Variants in DAB2IP observed in about 807,000 individuals in gnomAD.
The protein encoded by DAB2IP is DAB2 interacting protein.
In DAB2IP, 28 loss-of-function variants were observed where a neutral mutation model predicts 107.2. The ratio of observed to expected loss-of-function variants is 0.26; its 90% confidence interval spans 0.19 to 0.36. DAB2IP has a LOEUF of 0.36. DAB2IP is among the 10% of genes least tolerant of loss of function. DAB2IP has a pLI of 1.00. For missense variants in DAB2IP, 1,400 were observed against 1,644.7 expected (o/e 0.85, Z 2.57); for synonymous variants, 755 against 706.4 (o/e 1.07, Z -1.09).
chr9:121,614,983 C>G (rs1420970755), intron 1 of DAB2IP, among the ~76,000 whole-genome samples: 1 of 152,102 alleles, frequency 6.6e-6, no homozygotes, highest in Non-Finnish European at 1.5e-5. Context: ...ATCCACGAGC[C>G]TCGGCCTCCC....
Position 121,704,873 on chromosome 9 carries a change from G to A in DAB2IP, c.362+5415G>A, listed in dbSNP as rs560331928. Among the ~76,000 whole-genome samples the A allele has an allele frequency of 7.1e-4, 108 of 152,328 alleles. 2 individuals carry two copies. The South Asian group carries it at 0.022, about 31-fold the overall frequency. ...AACTGAGGCACACAGTCAAAGGCAT[G>A]GAGCTGGGGCCTATGCAGAAGCCAG... On this transcript the variant is annotated intron_variant, in intron 3 of 15. Coordinates refer to ENST00000408936, the Ensembl canonical transcript of DAB2IP.
intron 8 of DAB2IP, among the ~76,000 whole-genome samples, chr9:121,765,652 A>G (rs1363107361): frequency 6.6e-6 from 1 of 152,202 alleles, no homozygotes; most frequent in African/African-American, 2.4e-5. Flanking sequence ...CCCTGAGCTC[A>G]TGGCAGAGCC....
intron 1 of DAB2IP, among the ~76,000 whole-genome samples, chr9:121,606,903 T>C (rs945483143): frequency 2.6e-5 from 4 of 151,874 alleles, no homozygotes; most frequent in African/African-American, 9.7e-5. Context: ...GCCTCCCGAG[T>C]AGTTGGGACT....
rs1474406223 is a variant in DAB2IP, at chr9:121,699,759, G to A, written c.362+301G>A. On this transcript the variant is annotated intron_variant, in intron 3 of 15. Coordinates refer to ENST00000408936, the Ensembl canonical transcript of DAB2IP. The surrounding 1 kb of genome is among the most constrained non-coding windows in gnomAD (Gnocchi z 6.2). ...GGGAAGTCCTGCCTCGCCTGTCCGAGGTGGGCATTGTTTCCCGGGCCGTGC... is the reference window on the plus strand; with the variant it reads ...GGGAAGTCCTGCCTCGCCTGTCCGAAGTGGGCATTGTTTCCCGGGCCGTGC... Among the ~76,000 whole-genome samples the A allele has an allele frequency of 6.6e-6, 1 of 152,220 alleles. No homozygotes were observed. Among genetic ancestry groups the A allele is most frequent in the African/African-American group, 2.4e-5 (1 of 41,472 alleles).
intron 9 of DAB2IP, 121 bp from the exon 10 acceptor site, chr9:121,768,311 G>A: frequency 9.7e-7 from 1 of 1,030,862 alleles, no homozygotes; most frequent in Non-Finnish European, 1.5e-6. Flanking sequence ...CTGACTTGGG[G>A]AGTGAATGGA....
At position 121,759,873 on chromosome 9, in the gene DAB2IP, G is replaced by C. The variant is rs764821242; in HGVS notation, c.616-12G>C. The C allele has an allele frequency of 6.2e-7, 1 of 1,607,172 alleles. No homozygotes were observed. The highest frequency in any genetic ancestry group is 1.7e-5 in the Admixed American group (1 of 59,682). ...CCCCAGCTGACCACCCTGGACCCCCGTGCACATACAGGACAACAGCCGGCG... is the reference window on the plus strand; with the variant it reads ...CCCCAGCTGACCACCCTGGACCCCCCTGCACATACAGGACAACAGCCGGCG... On this transcript the variant is annotated splice_polypyrimidine_tract_variant and intron_variant, in intron 5 of 15. Transcript: ENST00000408936.
At chr9:121,731,227 T>TTTGGCTCC (rs1294486942) in intron 3 of DAB2IP, among the ~76,000 whole-genome samples, 2 of 152,234 alleles carry the variant, frequency 1.3e-5, no homozygotes, top group East Asian at 3.8e-4. Flanking sequence ...TGTTCACCTG[T>TTTGGCTCC]TTGGCTCCTG....
chr9:121,732,213 C>A (rs936365806), intron 3 of DAB2IP, among the ~76,000 whole-genome samples: 3 of 152,114 alleles, frequency 2.0e-5, no homozygotes, highest in Admixed American at 2.0e-4. Context: ...ACTGTGACAA[C>A]CAAGAAAGAA....
rs758120340 is a variant in DAB2IP, at chr9:121,759,040, A to AG, written c.615+46dup. On this transcript the variant is annotated intron_variant, in intron 5 of 15. Coordinates refer to ENST00000408936, the Ensembl canonical transcript of DAB2IP. ...CACCAAAGCATGGGGGATTGAAGGT[A>AG]GGCTCAGATAGGAGGAAACAAGAGA... 1.5e-5 allele frequency: 24 copies of AG among 1,556,442 alleles called. No homozygotes were observed. In the African/African-American group the frequency reaches 2.8e-4, roughly 18 times the overall value.
chr9:121,645,566 C>T (rs1564130937), intron 1 of DAB2IP, among the ~76,000 whole-genome samples: 1 of 152,168 alleles, frequency 6.6e-6, no homozygotes, highest in Non-Finnish European at 1.5e-5. Flanking sequence ...GTCTCACTTC[C>T]CCATCTTCAG....
intron 1 of DAB2IP, among the ~76,000 whole-genome samples, chr9:121,673,987 G>A (rs565204590): frequency 6.6e-6 from 1 of 152,354 alleles, no homozygotes; most frequent in Non-Finnish European, 1.5e-5. Flanking sequence ...GATTAGAGGA[G>A]CGTTTAATAG....
In DAB2IP at chr9:121,698,873, TG is replaced by T. The variant is rs928671385; in HGVS notation, c.229-446del. 6.6e-6 allele frequency among the ~76,000 whole-genome samples: 1 copy of T among 150,724 alleles called. No homozygotes were observed. The highest frequency in any genetic ancestry group is 2.4e-5 in the African/African-American group (1 of 40,976). ...GGGCGTGGATTCCTCCAGGTGGGTG[TG>T]GGGGGTGTGACCTCGCACGGGGAGG... On this transcript the variant is annotated intron_variant, in intron 2 of 15. Transcript: ENST00000408936. This position sits in a 1 kb window ranked among gnomAD's most constrained non-coding sequence, Gnocchi z 4.1.
chr9:121,690,008 G>A (rs918109483), intron 2 of DAB2IP, among the ~76,000 whole-genome samples: 4 of 152,196 alleles, frequency 2.6e-5, no homozygotes, highest in African/African-American at 9.7e-5. Flanking sequence ...GTGCAAATTA[G>A]TTGCCCTTTC....
intron 1 of DAB2IP, among the ~76,000 whole-genome samples, chr9:121,658,005 T>A (rs926988650): frequency 6.6e-6 from 1 of 152,180 alleles, no homozygotes; most frequent in African/African-American, 2.4e-5. Flanking sequence ...CTTTGTATCC[T>A]GTTTCGGTGT....
intron 3 of DAB2IP, among the ~76,000 whole-genome samples, chr9:121,721,415 G>A (rs1487776298): frequency 6.6e-6 from 1 of 152,254 alleles, no homozygotes; most frequent in African/African-American, 2.4e-5. Flanking sequence ...TCCCTGCTGT[G>A]TGCCAGGCAC....
intron 2 of DAB2IP, among the ~76,000 whole-genome samples, chr9:121,697,471 G>A (rs1389021815): frequency 6.6e-6 from 1 of 152,212 alleles, no homozygotes; most frequent in Non-Finnish European, 1.5e-5. Flanking sequence ...AGAGCTCAGA[G>A]CTCACGCAGA....
At chr9:121,751,118 C>CGGCTGCTGTGGACCTTTCCCCCTGCCT (rs1833084601) in intron 3 of DAB2IP, 1 of 218,102 alleles carries the variant, frequency 4.6e-6, no homozygotes, top group African/African-American at 2.7e-5. Context: ...TCCCCCTGCC[C>CGGCTGCTGTGGACCTTTCCCCCTGCCT]GGCTGCTGTG....
In DAB2IP at chr9:121,698,996, A is replaced by C. The variant is rs1351685264; in HGVS notation, c.229-329A>C. On this transcript the variant is annotated intron_variant, in intron 2 of 15. Coordinates refer to ENST00000408936, the Ensembl canonical transcript of DAB2IP. This position sits in a 1 kb window ranked among gnomAD's most constrained non-coding sequence, Gnocchi z 4.1. ...CGCAGCCCCGCCCCCTCGTCCCGGT[A>C]CTCCCCCTCGCCCCGGCGCCCGGGG... Among the ~76,000 whole-genome samples the C allele has an allele frequency of 6.7e-6, 1 of 149,768 alleles. No homozygotes were observed. Among genetic ancestry groups the C allele is most frequent in the East Asian group, 2.0e-4 (1 of 5,022 alleles).
rs191928647 is a variant in DAB2IP, at chr9:121,572,354, A to G, written c.40+5126A>G. Among the ~76,000 whole-genome samples the G allele has an allele frequency of 5.3e-5, 8 of 152,242 alleles. No individual in the cohort carries two copies. The South Asian group carries it at 1.4e-3, about 28-fold the overall frequency. ...TGCCACTGGGTTCCCAGGGTGCTGCACAGCACTGGTCCTGAGAAGGCACTC... is the reference window on the plus strand; with the variant it reads ...TGCCACTGGGTTCCCAGGGTGCTGCGCAGCACTGGTCCTGAGAAGGCACTC... On this transcript the variant is annotated intron_variant, in intron 1 of 16. Coordinates refer to the DAB2IP transcript ENST00000259371.
Sources: gnomAD v4.1 joint callset for allele counts (sites outside exome capture counted in the v4.1 genomes callset) on GRCh38, gnomAD v4.1.1 for gene constraint, Gnocchi (gnomAD v3.1) non-coding constraint, MANE v1.5 for transcripts, NCBI Gene and HGNC (gene_info 2026-07-23, HGNC 2026-07-21) for gene names.